GRIK1: variants seen among roughly 807,000 people sequenced by gnomAD.
GRIK1 encodes glutamate receptor ionotropic, kainate 1.
Under a neutral mutation model 105.7 loss-of-function variants are expected in GRIK1, and 69 were observed. The observed-to-expected ratio is 0.65, with a 90% CI of 0.54 to 0.80. The LOEUF (loss-of-function observed/expected upper bound fraction) is 0.80, where lower values mean the gene tolerates loss of function less well. Ranked by LOEUF, GRIK1 falls within the 30% of genes least tolerant of loss-of-function variation. The probability of loss-of-function intolerance (pLI) is 0.00; values close to 1 mark genes in which losing one functional copy is unlikely to be tolerated. For synonymous variants in GRIK1, 438 were observed against 431.3 expected, an observed-to-expected ratio of 1.02 and a Z score of -0.19; for missense variants, 1,109 against 1,167.3, an observed-to-expected ratio of 0.95 and a Z score of 0.73.
intron 1 of GRIK1, among the ~76,000 whole-genome samples, chr21:29,728,965 T>C (rs2284460): frequency 0.038 from 5,829 of 152,154 alleles, 252 homozygotes; most frequent in East Asian, 0.1. Context: ...GGCGATACCA[T>C]ATAAGTAGGT....
chr21:29,594,134 T>G (rs1306381047), intron 9 of GRIK1, among the ~76,000 whole-genome samples: 1 of 152,154 alleles, frequency 6.6e-6, no homozygotes, highest in African/African-American at 2.4e-5. Flanking sequence ...ATATGCTGAG[T>G]GACCTCAGTC....
intron 15 of GRIK1, among the ~76,000 whole-genome samples, chr21:29,557,982 C>T (rs2090298303): frequency 6.6e-6 from 1 of 152,156 alleles, no homozygotes; most frequent in African/African-American, 2.4e-5. Context: ...TAAAACATTT[C>T]AGACAGATGA....
chr21:29,619,313 T>C (rs1365774809), intron 7 of GRIK1, among the ~76,000 whole-genome samples: 1 of 151,504 alleles, frequency 6.6e-6, no homozygotes, highest in Non-Finnish European at 1.5e-5. Context: ...AGCGTGCACC[T>C]GTAGGCCCAG....
intron 3 of GRIK1, among the ~76,000 whole-genome samples, chr21:29,689,143 C>T (rs1479982352): frequency 2.0e-5 from 3 of 150,040 alleles, no homozygotes; most frequent in East Asian, 2.0e-4. Flanking sequence ...CAAATGGGGG[C>T]GGGTCAGAGA....
chr21:29,809,636 C>T (rs2066956543), intron 1 of GRIK1, among the ~76,000 whole-genome samples: 1 of 152,168 alleles, frequency 6.6e-6, no homozygotes, highest in East Asian at 1.9e-4. Flanking sequence ...ACTGGGGTAG[C>T]CCTTTTCACT....
intron 1 of GRIK1, among the ~76,000 whole-genome samples, chr21:29,859,882 T>C (rs949336640): frequency 6.6e-6 from 1 of 152,216 alleles, no homozygotes; most frequent in Non-Finnish European, 1.5e-5. Context: ...TTCTATCTTA[T>C]GTAATGTGGA....
chr21:29,910,782 A>AT (rs2070786470), intron 1 of GRIK1, among the ~76,000 whole-genome samples: 1 of 294 alleles, frequency 3.4e-3, no homozygotes, highest in African/African-American at 4.4e-3. Flanking sequence ...GTAATTTTAC[A>AT]CGATCTATTT....
At chr21:29,775,145 C>T (rs573422155) in intron 1 of GRIK1, among the ~76,000 whole-genome samples, 11 of 151,818 alleles carry the variant, frequency 7.2e-5, no homozygotes, top group Non-Finnish European at 1.3e-4. Context: ...GGCGAAACCC[C>T]GTCTCTACTG....
At chr21:29,848,638 T>C (rs2068202496) in intron 1 of GRIK1, among the ~76,000 whole-genome samples, 1 of 151,718 alleles carries the variant, frequency 6.6e-6, no homozygotes, top group Non-Finnish European at 1.5e-5. Flanking sequence ...TATTCTCTCT[T>C]TCTTCAGTTC....
chr21:29,650,458 G>C (rs1424925104), intron 6 of GRIK1, among the ~76,000 whole-genome samples: 1 of 152,192 alleles, frequency 6.6e-6, no homozygotes, highest in Non-Finnish European at 1.5e-5. Context: ...CTTCATTAGA[G>C]AAATATAGTG....
chr21:29,634,028 T>C (rs376852160), intron 7 of GRIK1, among the ~76,000 whole-genome samples: 2 of 152,194 alleles, frequency 1.3e-5, no homozygotes, highest in East Asian at 3.8e-4. Flanking sequence ...GATAAAAATA[T>C]GTCAGAGCTT....
intron 6 of GRIK1, among the ~76,000 whole-genome samples, chr21:29,649,492 A>G (rs1224803275): frequency 6.6e-6 from 1 of 152,124 alleles, no homozygotes; most frequent in East Asian, 1.9e-4. Flanking sequence ...TCTTCCATCC[A>G]CTGGGACTCA....
Position 29,560,381 on chromosome 21 carries a change from C to T in GRIK1, c.2356+1243G>A, listed in dbSNP as rs55991620. Among the ~76,000 whole-genome samples the T allele has an allele frequency of 3.1e-4, 20 of 64,738 alleles. 2 individuals carry two copies. Among genetic ancestry groups the T allele is most frequent in the Admixed American group, 3.7e-4 (2 of 5,444 alleles). 42.5% of individuals were successfully genotyped at this position (64,738 alleles called of 152,430 possible). ...TTTTTCTTTCTTCCTTCCTTCCTTC[C>T]TTCCTTCCTTCCTTCCTTCCTTTCT... On this transcript the variant is annotated intron_variant, in intron 15 of 17. Transcript: ENST00000327783.
At chr21:29,845,472 T>A in intron 1 of GRIK1, among the ~76,000 whole-genome samples, 1 of 152,188 alleles carries the variant, frequency 6.6e-6, no homozygotes, top group East Asian at 1.9e-4. Context: ...TACTCAAATG[T>A]GGCTTTCTTT....
chr21:29,859,548 T>C (rs2068574203), intron 1 of GRIK1, among the ~76,000 whole-genome samples: 1 of 152,184 alleles, frequency 6.6e-6, no homozygotes, highest in African/African-American at 2.4e-5. Context: ...TACTTGAATG[T>C]AGGGGGCACT....
chr21:29,749,839 C>A (rs543583340), intron 1 of GRIK1, among the ~76,000 whole-genome samples: 1 of 152,106 alleles, frequency 6.6e-6, no homozygotes, highest in Non-Finnish European at 1.5e-5. Flanking sequence ...AATTTCTTAT[C>A]TGTATAATAA....
chr21:29,777,218 G>A (rs1271367150), intron 1 of GRIK1, among the ~76,000 whole-genome samples: 1 of 152,178 alleles, frequency 6.6e-6, no homozygotes, highest in East Asian at 1.9e-4. Flanking sequence ...CACCTAGAGG[G>A]AAGTGGGTCA....
chr21:29,551,021 C>G (rs939142207), intron 16 of GRIK1, among the ~76,000 whole-genome samples: 1 of 152,114 alleles, frequency 6.6e-6, no homozygotes, highest in African/African-American at 2.4e-5. Context: ...GTCTTGTACA[C>G]TATTATGGGA....
chr21:29,628,481 G>A (rs967047824), intron 7 of GRIK1, among the ~76,000 whole-genome samples: 1 of 152,142 alleles, frequency 6.6e-6, no homozygotes, highest in African/African-American at 2.4e-5. Flanking sequence ...CTCTAAATCT[G>A]CTGACTTTAA....
Sources: gnomAD v4.1 joint callset for allele counts (sites outside exome capture counted in the v4.1 genomes callset) on GRCh38, gnomAD v4.1.1 for gene constraint, MANE v1.5 for transcripts, NCBI Gene and HGNC (gene_info 2026-07-23, HGNC 2026-07-21) for gene names.